Variants in SLC12A8 observed in about 807,000 individuals in gnomAD.
The protein encoded by SLC12A8 is solute carrier family 12 member 8, also known as cation-chloride cotransporter 9.
Under a neutral mutation model 75.6 loss-of-function variants are expected in SLC12A8, and 69 were observed. That is an observed-to-expected ratio of 0.91 (90% CI 0.75 to 1.11). The LOEUF (loss-of-function observed/expected upper bound fraction) is 1.11. SLC12A8 is among the 50% of genes most tolerant of loss of function. The pLI, the probability that SLC12A8 is intolerant of heterozygous loss-of-function variation, is 0.00. For synonymous variants in SLC12A8, 365 were observed against 372.8 expected (o/e 0.98, Z 0.24); for missense variants, 877 against 896.7 (o/e 0.98, Z 0.28).
intron 13 of SLC12A8, among the ~76,000 whole-genome samples, chr3:125,086,302 A>T (rs1041312101): frequency 1.3e-5 from 2 of 152,172 alleles, no homozygotes; most frequent in Non-Finnish European, 2.9e-5. Context: ...CACAGCCCAC[A>T]GAGCCTGGTG....
At chr3:125,152,155 G>A (rs762927369) in intron 5 of SLC12A8, among the ~76,000 whole-genome samples, 1 of 152,202 alleles carries the variant, frequency 6.6e-6, no homozygotes, top group Non-Finnish European at 1.5e-5. Flanking sequence ...GCCACCCACA[G>A]TTACTGGGGC....
intron 6 of SLC12A8, among the ~76,000 whole-genome samples, chr3:125,126,196 G>T (rs1933202086): frequency 6.6e-6 from 1 of 152,170 alleles, no homozygotes; most frequent in South Asian, 2.1e-4. Context: ...TCTCAGTTTT[G>T]ATATGCAAGT....
intron 5 of SLC12A8, among the ~76,000 whole-genome samples, chr3:125,177,181 T>C (rs991400247): frequency 6.6e-6 from 1 of 151,950 alleles, no homozygotes; most frequent in Non-Finnish European, 1.5e-5. Flanking sequence ...TGTAGGGACA[T>C]GGATGAAGCT....
At chr3:125,184,582 G>A (rs1934733496) in intron 4 of SLC12A8, among the ~76,000 whole-genome samples, 1 of 151,872 alleles carries the variant, frequency 6.6e-6, no homozygotes, top group African/African-American at 2.4e-5. Context: ...AATCTGTTTT[G>A]ACAATCATTA....
rs151301037 is a variant in SLC12A8 at position 125,193,410 on chromosome 3, C to T, written c.52-2889G>A. Among the ~76,000 whole-genome samples, 237 of 152,342 alleles carry T rather than the reference C, an allele frequency of 1.6e-3. 1 individual carries two copies. The highest frequency in any genetic ancestry group is 5.2e-3 in the African/African-American group (216 of 41,592). The stretch of plus-strand genomic sequence containing the variant: ...GCAGCTTGTGTGTCCCCGCTCTTCT[C>T]ACAGATCCCTTGTCCAGGCTCGCCA... On this transcript the variant is annotated intron_variant, in intron 2 of 13. Coordinates refer to ENST00000469902, the MANE Select transcript of SLC12A8 (RefSeq NM_024628.6).
chr3:125,203,525 T>TACA (rs1935167950), intron 2 of SLC12A8, among the ~76,000 whole-genome samples: 1 of 152,210 alleles, frequency 6.6e-6, no homozygotes, highest in South Asian at 2.1e-4. Flanking sequence ...CTAGGAAAAC[T>TACA]GTATATCCAC....
intron 2 of SLC12A8, among the ~76,000 whole-genome samples, chr3:125,191,324 C>T (rs747168344): frequency 6.6e-6 from 1 of 152,206 alleles, no homozygotes; most frequent in Non-Finnish European, 1.5e-5. Context: ...ACTAAAAAAA[C>T]CATAACTTCG....
At chr3:125,186,723 C>T (rs1231555093) in intron 4 of SLC12A8, among the ~76,000 whole-genome samples, 1 of 152,256 alleles carries the variant, frequency 6.6e-6, no homozygotes, top group South Asian at 2.1e-4. Context: ...TAACATTCTC[C>T]CTCTCAGACA....
chr3:125,104,133 T>C (rs1938960622), intron 10 of SLC12A8, among the ~76,000 whole-genome samples: 1 of 152,052 alleles, frequency 6.6e-6, no homozygotes, highest in Non-Finnish European at 1.5e-5. Context: ...AGAGACAGGG[T>C]CTTGCTCTGT....
At chr3:125,096,890 A>G (rs1199434449) in intron 10 of SLC12A8, among the ~76,000 whole-genome samples, 1 of 151,190 alleles carries the variant, frequency 6.6e-6, no homozygotes, top group East Asian at 2.0e-4. Context: ...GTATTTGCTT[A>G]TTTATCATAT....
chr3:125,107,902 G>A lies in SLC12A8; in HGVS notation c.1284C>T (p.His428=), dbSNP rs1482630607. Residue 428 remains histidine (H), a synonymous_variant, in exon 10 of 14, where the codon CAC becomes CAT. Coordinates refer to ENST00000469902, the MANE Select transcript of SLC12A8 (RefSeq NM_024628.6). ...PVLREGAEGL[H]CSEHLLLEKA... is the part of the protein sequence containing the mutation. ...TCTCTAAGAGCAGGTGCTCAGAGCA[G>A]TGGAGGCCTTCTGCGCCCTCCCTGA... The A allele has an allele frequency of 6.2e-7, 1 of 1,614,204 alleles. No homozygotes were observed. The highest frequency in any genetic ancestry group is 1.1e-5 in the South Asian group (1 of 91,080).
At chr3:125,176,173 A>T (rs550442406) in intron 5 of SLC12A8, among the ~76,000 whole-genome samples, 1 of 152,202 alleles carries the variant, frequency 6.6e-6, no homozygotes, top group South Asian at 2.1e-4. Flanking sequence ...ATCATCGTGC[A>T]AAAACAGGCC....
intron 8 of SLC12A8, among the ~76,000 whole-genome samples, chr3:125,112,312 G>A (rs917641069): frequency 6.6e-6 from 1 of 152,058 alleles, no homozygotes; most frequent in African/African-American, 2.4e-5. Flanking sequence ...GATTTCTTGG[G>A]TTTGTCCTGC....
chr3:125,165,829 G>A (rs1270468636), intron 5 of SLC12A8, among the ~76,000 whole-genome samples: 6 of 152,196 alleles, frequency 3.9e-5, no homozygotes, highest in Admixed American at 2.6e-4. Flanking sequence ...GGCCAGCTGC[G>A]AGGCCCAGAG....
intron 4 of SLC12A8, among the ~76,000 whole-genome samples, chr3:125,185,323 A>G (rs897648400): frequency 6.6e-6 from 1 of 151,848 alleles, no homozygotes; most frequent in Non-Finnish European, 1.5e-5. Context: ...GGCGTCTCAA[A>G]AACAAAAAAC....
intron 8 of SLC12A8, among the ~76,000 whole-genome samples, chr3:125,115,948 AAGTG>A (rs1287921477): frequency 2.0e-5 from 3 of 152,168 alleles, no homozygotes; most frequent in Admixed American, 2.0e-4. Context: ...CGGTTGTGTC[AAGTG>A]ACCAAAGTAA....
chr3:125,191,944 G>T (rs1934916924), intron 2 of SLC12A8, among the ~76,000 whole-genome samples: 1 of 152,188 alleles, frequency 6.6e-6, no homozygotes, highest in African/African-American at 2.4e-5. Flanking sequence ...TCTCCTGAAA[G>T]TCAATAATTG....
At chr3:125,184,087 C>A (rs1934723340) in intron 4 of SLC12A8, among the ~76,000 whole-genome samples, 1 of 152,038 alleles carries the variant, frequency 6.6e-6, no homozygotes, top group Non-Finnish European at 1.5e-5. Context: ...ATTCTCCTGC[C>A]TCAGCCTCCC....
At chr3:125,210,956 C>T (rs1935326008) in intron 2 of SLC12A8, among the ~76,000 whole-genome samples, 1 of 152,108 alleles carries the variant, frequency 6.6e-6, no homozygotes, top group African/African-American at 2.4e-5. Context: ...AATAAATTTA[C>T]CTTCTTACAT....
Sources: allele counts gnomAD v4.1 joint callset (sites outside exome capture counted in the v4.1 genomes callset), GRCh38; gene constraint gnomAD v4.1.1; transcripts MANE v1.5; gene names NCBI Gene and HGNC (gene_info 2026-07-23, HGNC 2026-07-21).